METTL16: variants seen among roughly 807,000 people sequenced by gnomAD.
METTL16 encodes the protein methyltransferase 16, RNA N6-adenosine, also known as RNA N(6)-adenosine-methyltransferase METTL16.
A neutral mutation model predicts 57.9 loss-of-function variants in METTL16; 19 were observed. The ratio of observed to expected loss-of-function variants is 0.33; its 90% CI spans 0.23 to 0.48. The LOEUF (loss-of-function observed/expected upper bound fraction) is 0.48, where lower values mean the gene tolerates loss of function less well. Among genes scored for constraint, METTL16 ranks in the 20% least tolerant of loss-of-function variants. The pLI, the probability that METTL16 is intolerant of heterozygous loss-of-function variation, is 0.99. For missense variants in METTL16, 434 were observed against 691.5 expected, an observed-to-expected ratio of 0.63 and a Z score of 4.18; for synonymous variants, 246 against 255.6, an observed-to-expected ratio of 0.96 and a Z score of 0.36.
intron 3 of METTL16, among the ~76,000 whole-genome samples, chr17:2,476,165 A>G (rs1327675085): frequency 1.3e-5 from 2 of 152,234 alleles, no homozygotes; most frequent in African/African-American, 4.8e-5. Flanking sequence ...CAAGAAACAA[A>G]GAGAACCAGG....
chr17:2,489,732 C>CAAAAAAAAAAAAAAAAAAAA (rs61506042), intron 2 of METTL16, among the ~76,000 whole-genome samples: 3 of 60,326 alleles, frequency 5.0e-5, no homozygotes, highest in Admixed American at 2.7e-4. Flanking sequence ...GAGCGAGACT[C>CAAAAAAAAAAAAAAAAAAAA]AAAAAAAAAA....
intron 1 of METTL16, among the ~76,000 whole-genome samples, chr17:2,505,687 T>C (rs888132286): frequency 1.3e-5 from 2 of 152,076 alleles, no homozygotes; most frequent in African/African-American, 4.8e-5. Context: ...CCACCGCACC[T>C]GGTTTACAGT....
chr17:2,489,114 T>TA (rs937535609), intron 2 of METTL16, among the ~76,000 whole-genome samples: 3 of 144,726 alleles, frequency 2.1e-5, no homozygotes, highest in African/African-American at 5.2e-5. Flanking sequence ...TTTCATTCTT[T>TA]TTTTTTTATT....
Position 2,420,373 on chromosome 17 carries a change from C to T in METTL16, c.1286G>A (p.Arg429Lys). Residue 429 changes from arginine to lysine, a missense_variant, in exon 10 of 10, where the codon AGG becomes AAG. Coordinates refer to ENST00000263092, the MANE Select transcript of METTL16 (RefSeq NM_024086.4). This position sits in a 1 kb window ranked among gnomAD's most constrained non-coding sequence, Gnocchi z 5.4. Reference protein sequence around the residue: ...SQELARGPQERTPCGPALREG... With the variant: ...SQELARGPQEKTPCGPALREG... ...CCGCAGAGCAGGCCCACAGGGGGTCCTCTCCTGGGGGCCCCTGGCCAGTTC... is the reference window on the plus strand; with the variant it reads ...CCGCAGAGCAGGCCCACAGGGGGTCTTCTCCTGGGGGCCCCTGGCCAGTTC... 1 of 1,612,768 alleles carries T rather than the reference C, an allele frequency of 6.2e-7. No homozygotes were observed. Among genetic ancestry groups the T allele is most frequent in the Non-Finnish European group, 8.5e-7 (1 of 1,180,004 alleles).
At chr17:2,481,439 G>C (rs1427365404) in intron 2 of METTL16, among the ~76,000 whole-genome samples, 5 of 152,192 alleles carry the variant, frequency 3.3e-5, no homozygotes, top group African/African-American at 1.2e-4. Flanking sequence ...CAACGATACA[G>C]AGAAGAAGAG....
intron 7 of METTL16, among the ~76,000 whole-genome samples, chr17:2,440,992 AAAAAGAAGAAG>A (rs1457913261): frequency 4.7e-5 from 7 of 150,178 alleles, no homozygotes; most frequent in African/African-American, 1.7e-4. Context: ...AAAAAAAAAA[AAAAAGAAGAAG>A]AAGAAGAAGA....
chr17:2,443,137 C>T (rs1021013080), intron 6 of METTL16, among the ~76,000 whole-genome samples: 2 of 151,880 alleles, frequency 1.3e-5, no homozygotes, highest in African/African-American at 2.4e-5. Flanking sequence ...TACAAGCGTG[C>T]GCCACCACAC....
intron 2 of METTL16, among the ~76,000 whole-genome samples, chr17:2,498,038 CA>C (rs1222681428): frequency 6.6e-6 from 1 of 151,434 alleles, no homozygotes; most frequent in Admixed American, 6.6e-5. Flanking sequence ...ACTAAAAATA[CA>C]AAAAATTAGC....
chr17:2,501,440 T>G (rs2067486549), intron 2 of METTL16, among the ~76,000 whole-genome samples: 1 of 151,878 alleles, frequency 6.6e-6, no homozygotes, highest in Non-Finnish European at 1.5e-5. Flanking sequence ...AAAAACAAAA[T>G]AAATAAATAA....
chr17:2,448,781 T>TAAAAAAAAAAAAAAAAAAAAAAAA (rs1369462081), intron 6 of METTL16, among the ~76,000 whole-genome samples: 1 of 33,686 alleles, frequency 3.0e-5, no homozygotes, highest in South Asian at 1.1e-3. Flanking sequence ...AATAAAAAAA[T>TAAAAAAAAAAAAAAAAAAAAAAAA]AAAAAAATAA....
chr17:2,492,125 G>A (rs935133234), intron 2 of METTL16, among the ~76,000 whole-genome samples: 5 of 151,302 alleles, frequency 3.3e-5, no homozygotes, highest in South Asian at 2.1e-4. Context: ...GTAGGAGAAT[G>A]GCGTGAACCT....
At chr17:2,448,893 G>T (rs1218413035) in intron 6 of METTL16, among the ~76,000 whole-genome samples, 1 of 148,692 alleles carries the variant, frequency 6.7e-6, no homozygotes, top group Admixed American at 6.7e-5. Context: ...TGGGTGTGGT[G>T]GTGCGCGCCT....
intron 2 of METTL16, among the ~76,000 whole-genome samples, chr17:2,486,200 A>G (rs4319810): frequency 0.024 from 3,610 of 151,924 alleles, 71 homozygotes; most frequent in Non-Finnish European, 0.036. Context: ...GAGTGACCAT[A>G]TAATTTTATC....
At chr17:2,466,203 A>C (rs903804158) in intron 5 of METTL16, among the ~76,000 whole-genome samples, 3 of 150,018 alleles carry the variant, frequency 2.0e-5, no homozygotes, top group African/African-American at 7.5e-5. Context: ...CAAAAAAAAA[A>C]AAAAAAAAAG....
chr17:2,489,269 T>C (rs2067366182), intron 2 of METTL16, among the ~76,000 whole-genome samples: 1 of 152,072 alleles, frequency 6.6e-6, no homozygotes, highest in Non-Finnish European at 1.5e-5. Flanking sequence ...ATCTTTTAAA[T>C]GCCATTCCTA....
At position 2,423,542 on chromosome 17, in the gene METTL16, G is replaced by A. The variant is rs145787103; in HGVS notation, c.889-2638C>T. On this transcript the variant is annotated intron_variant, in intron 8 of 9. Coordinates refer to ENST00000263092, the MANE Select transcript of METTL16 (RefSeq NM_024086.4). ...AGCTGGGGAAGAAGCGTATTAAGCC[G>A]GTGTGTGGGAGGATGATGGGGGTGG... is the stretch of plus-strand genomic sequence containing the variant. Among the ~76,000 whole-genome samples, 982 of 152,190 alleles carry A rather than the reference G, an allele frequency of 6.5e-3. 9 individuals carry two copies. The highest frequency in any genetic ancestry group is 0.021 in the African/African-American group (886 of 41,512).
intron 2 of METTL16, among the ~76,000 whole-genome samples, chr17:2,483,443 C>A (rs2067321018): frequency 6.6e-6 from 1 of 152,120 alleles, no homozygotes; most frequent in Non-Finnish European, 1.5e-5. Context: ...AAGTTTATTG[C>A]ATAAATATAT....
Position 2,417,060 on chromosome 17 carries a change from T to C in METTL16, c.*2910A>G, listed in dbSNP as rs1002627008. The C allele has an allele frequency of 1.0e-5, 1 of 98,976 alleles. No individual in the cohort carries two copies. Among genetic ancestry groups the C allele is most frequent in the Non-Finnish European group, 1.9e-5 (1 of 51,812 alleles). The allele number at this position is 98,976 out of a possible 1,614,324, so 6.1% of individuals were successfully genotyped here. ...AAAGCTGGCCTGCTCATGGGTTCCT[T>C]TTTTTTTTTTTTTTTTTTTTTTTTT... On this transcript the variant is annotated 3_prime_UTR_variant, in exon 10 of 10. Transcript: ENST00000263092.
chr17:2,440,150 G>A (rs146182317), intron 7 of METTL16, among the ~76,000 whole-genome samples: 1 of 152,264 alleles, frequency 6.6e-6, no homozygotes, highest in Non-Finnish European at 1.5e-5. Flanking sequence ...CCAGCTACTT[G>A]AGAGGCTGAA....
Sources: allele counts gnomAD v4.1 joint callset (sites outside exome capture counted in the v4.1 genomes callset), GRCh38; gene constraint gnomAD v4.1.1; non-coding constraint Gnocchi (gnomAD v3.1); transcripts MANE v1.5; gene names NCBI Gene and HGNC (gene_info 2026-07-23, HGNC 2026-07-21).